PGM3: variants seen among roughly 807,000 people sequenced by gnomAD.
PGM3 encodes phosphoglucomutase 3, also known as phosphoacetylglucosamine mutase.
In PGM3, 40 loss-of-function variants were observed where a neutral mutation model predicts 66.2. The ratio of observed to expected loss-of-function variants is 0.60; its 90% CI spans 0.47 to 0.79. The LOEUF (loss-of-function observed/expected upper bound fraction) is 0.79, where lower values mean the gene tolerates loss of function less well. Among genes scored for constraint, PGM3 ranks in the 30% least tolerant of loss-of-function variants. The pLI, the probability that PGM3 is intolerant of heterozygous loss-of-function variation, is 0.00. For synonymous variants in PGM3, 191 were observed against 224.2 expected (o/e 0.85, Z 1.32); for missense variants, 537 against 643.4 (o/e 0.83, Z 1.79).
At chr6:83,153,777 G>T in the PGM3 span, 1 of 1,225,172 alleles carries the variant, frequency 8.2e-7, no homozygotes, top group East Asian at 2.5e-5. Flanking sequence ...TTCTTATGGT[G>T]CTTTCTATTT....
At chr6:83,188,179 TA>T (rs201546407) in intron 3 of PGM3, among the ~76,000 whole-genome samples, 1,577 of 152,306 alleles carry the variant, frequency 0.01, 24 homozygotes, top group African/African-American at 0.035. Flanking sequence ...TGGAAAATAA[TA>T]TTGTAGTTTA....
rs1785813919 is a variant in PGM3 at position 83,166,846 on chromosome 6, A to G, written c.*2388T>C. ...GTTTCTGAGCAACATCTGATCTTAG[A>G]AGGCAAACTCCATTTGTTAATATGA... On this transcript the variant is annotated 3_prime_UTR_variant, in exon 13 of 13. Coordinates refer to ENST00000513973, the MANE Select transcript of PGM3 (RefSeq NM_015599.3). 1.0e-6 allele frequency: 1 copy of G among 1,001,416 alleles called. No homozygotes were observed. The highest frequency in any genetic ancestry group is 4.5e-5 in the South Asian group (1 of 21,994). 62.0% of individuals were successfully genotyped at this position (1,001,416 alleles called of 1,614,324 possible). A position where few individuals can be genotyped will look rare whatever the true frequency, so the allele number is the denominator to read the frequency against.
chr6:83,191,436 G>A (rs1789046127), intron 1 of PGM3: 1 of 583,290 alleles, frequency 1.7e-6, no homozygotes, highest in South Asian at 2.2e-5. Flanking sequence ...GACGGATTGA[G>A]GCCTAAAGTC....
At position 83,190,802 on chromosome 6, in the gene PGM3, C is replaced by G. The variant is rs199882868; in HGVS notation, c.204+7G>C. The G allele has an allele frequency of 1.2e-6, 2 of 1,608,926 alleles. No homozygotes were observed. The highest frequency in any genetic ancestry group is 2.2e-5 in the East Asian group (1 of 44,864). On this transcript the variant is annotated splice_region_variant and intron_variant, in intron 2 of 12. Coordinates refer to ENST00000513973, the MANE Select transcript of PGM3 (RefSeq NM_015599.3). Reference sequence around the variant, plus strand: ...GGTCTGCTTTATCAGGGCACTAAACCCATTACCTCAGGATTGTGGGACGCT... The same window carrying G: ...GGTCTGCTTTATCAGGGCACTAAACGCATTACCTCAGGATTGTGGGACGCT...
At chr6:83,151,982 C>G in the PGM3 span, 1 of 1,613,722 alleles carries the variant, frequency 6.2e-7, no homozygotes, top group Admixed American at 1.7e-5. Flanking sequence ...TAAGCCTTCT[C>G]CCAAAATAAT....
chr6:83,152,235 A>T, the PGM3 span: 1 of 1,064,462 alleles, frequency 9.4e-7, no homozygotes, highest in African/African-American at 1.7e-5. Context: ...CACACACATA[A>T]AATTTATTTT....
chr6:83,148,999 GA>G, the PGM3 span: 1 of 501,158 alleles, frequency 2.0e-6, no homozygotes, highest in Non-Finnish European at 3.3e-6. Context: ...TGCAAAACTA[GA>G]TGTATAAGGC....
the PGM3 span, among the ~76,000 whole-genome samples, chr6:83,152,620 CTTTTTTTT>C: frequency 7.5e-6 from 1 of 133,876 alleles, no homozygotes; most frequent in African/African-American, 2.7e-5. Context: ...TTTTCTTTTT[CTTTTTTTT>C]TTTTTTTTGA....
In PGM3 at chr6:83,168,857, G is replaced by A. The variant is rs1786446783; in HGVS notation, c.*377C>T. 9.6e-7 allele frequency: 1 copy of A among 1,041,814 alleles called. No homozygotes were observed. Among genetic ancestry groups the A allele is most frequent in the Non-Finnish European group, 1.2e-6 (1 of 863,176 alleles). 64.5% of individuals were successfully genotyped at this position (1,041,814 alleles called of 1,614,324 possible). A position where few individuals can be genotyped will look rare whatever the true frequency, so the allele number is the denominator to read the frequency against. On this transcript the variant is annotated 3_prime_UTR_variant, in exon 13 of 13. Transcript: ENST00000513973. ...ATTTGTATCAGCAATGGGGAATGCTGCAAAACATCATCTTGCTCATGTGAT... is the reference window on the plus strand; with the variant it reads ...ATTTGTATCAGCAATGGGGAATGCTACAAAACATCATCTTGCTCATGTGAT...
rs1467232241 is a variant in PGM3 at position 83,164,919 on chromosome 6, T to C, written c.*4315A>G. Reference sequence around the variant, plus strand: ...TTATTTAATATTGAGACAATACATATAGTTCTGATTAAGAGCATCAGAAAC... The same window carrying C: ...TTATTTAATATTGAGACAATACATACAGTTCTGATTAAGAGCATCAGAAAC... On this transcript the variant is annotated 3_prime_UTR_variant, in exon 13 of 13. Transcript: ENST00000513973. 7 of 502,876 alleles carry C rather than the reference T, an allele frequency of 1.4e-5. No individual in the cohort carries two copies. Among genetic ancestry groups the C allele is most frequent in the Non-Finnish European group, 2.1e-5 (6 of 285,222 alleles). The allele number at this position is 502,876 out of a possible 1,614,324, so 31.2% of individuals were successfully genotyped here. A position where few individuals can be genotyped will look rare whatever the true frequency, so the allele number is the denominator to read the frequency against.
At chr6:83,151,685 A>C in the PGM3 span, 1 of 1,580,148 alleles carries the variant, frequency 6.3e-7, no homozygotes, top group Non-Finnish European at 8.6e-7. Context: ...AGCTGTTGCC[A>C]AAACTGTTTC....
chr6:83,172,091 C>T (rs764994286), intron 10 of PGM3, 32 bp from the exon 11 acceptor site: 1 of 1,611,050 alleles, frequency 6.2e-7, no homozygotes, highest in East Asian at 2.2e-5. Context: ...GAAGAAACCA[C>T]TTAACACAAG....
chr6:83,159,987 G>A, downstream of PGM3: 2 of 1,609,572 alleles, frequency 1.2e-6, no homozygotes, highest in Non-Finnish European at 8.5e-7. Context: ...ATATTAAATG[G>A]TTATTTTTGA....
chr6:83,164,902 T>C lies in PGM3; in HGVS notation c.*4332A>G. 2 of 575,316 alleles carry C rather than the reference T, an allele frequency of 3.5e-6. No individual in the cohort carries two copies. Among genetic ancestry groups the C allele is most frequent in the South Asian group, 2.2e-5 (1 of 45,370 alleles). The allele number at this position is 575,316 out of a possible 1,614,324, so 35.6% of individuals were successfully genotyped here. On this transcript the variant is annotated 3_prime_UTR_variant, in exon 13 of 13. Transcript: ENST00000513973. ...TATGGAAACATTTGACTTTATTTAA[T>C]ATTGAGACAATACATATAGTTCTGA...
chr6:83,174,319 C>T, intron 10 of PGM3, 55 bp downstream of exon 10: 3 of 926,368 alleles, frequency 3.2e-6, no homozygotes, highest in Non-Finnish European at 5.2e-6. Flanking sequence ...CTGTTCTGTC[C>T]ATCTTCTGAA....
chr6:83,152,178 CAT>C, the PGM3 span: 4 of 754,522 alleles, frequency 5.3e-6, no homozygotes, highest in Non-Finnish European at 8.2e-6. Flanking sequence ...TATATATATA[CAT>C]ATACATATAT....
Position 83,183,475 on chromosome 6 carries a change from A to G in PGM3, c.458-497T>C, listed in dbSNP as rs533661327. Reference sequence around the variant, plus strand: ...ACGGTTTTCAGAGCAAAAAAAGCCCATGCTGATCTAAGATGCAGAACCCAG... The same window carrying G: ...ACGGTTTTCAGAGCAAAAAAAGCCCGTGCTGATCTAAGATGCAGAACCCAG... On this transcript the variant is annotated intron_variant, in intron 4 of 12. Coordinates refer to ENST00000513973, the MANE Select transcript of PGM3 (RefSeq NM_015599.3). Among the ~76,000 whole-genome samples the G allele has an allele frequency of 4.1e-4, 62 of 152,340 alleles. 1 individual carries two copies. The South Asian group carries it at 0.011, about 26-fold the overall frequency.
At position 83,171,939 on chromosome 6, in the gene PGM3, G is replaced by T. The variant is rs1211676766; in HGVS notation, c.1363C>A (p.Gln455Lys). 2 of 1,611,656 alleles carry T rather than the reference G, an allele frequency of 1.2e-6. No homozygotes were observed. The highest frequency in any genetic ancestry group is 8.5e-7 in the Non-Finnish European group (1 of 1,178,376). Residue 455 changes from glutamine to lysine, a missense_variant and splice_region_variant, in exon 11 of 13, where the codon CAG (glutamine) becomes AAG (lysine). Coordinates refer to ENST00000513973, the MANE Select transcript of PGM3 (RefSeq NM_015599.3). ...TDLPNRQLKV[Q>K]VADRRVISTT... is the part of the protein sequence containing the mutation. ...TTACTTTAAAGTTTCTCTCACACCT[G>T]AACTTTAAGTTGTCTGTTTGGAAGA...
rs1452031238 is a variant in PGM3 at position 83,174,413 on chromosome 6, A to AGCTTT, written c.1198_1202dup (p.Ala402LysfsTer26). The AGCTTT allele has an allele frequency of 1.2e-6, 2 of 1,607,744 alleles. No homozygotes were observed. The highest frequency in any genetic ancestry group is 2.2e-5 in the South Asian group (2 of 90,474). On this transcript the variant is annotated frameshift_variant, in exon 10 of 13. Transcript: ENST00000513973. LOFTEE classifies it high-confidence loss of function. The stretch of plus-strand genomic sequence containing the variant: ...CAATAATGTTTTCAAGCATCTTAGC[A>AGCTTT]GCTTTTCTTTTCTTATCTTCCAGTT...
Sources: allele counts gnomAD v4.1 joint callset (sites outside exome capture counted in the v4.1 genomes callset), GRCh38; gene constraint gnomAD v4.1.1; transcripts MANE v1.5; gene names NCBI Gene and HGNC (gene_info 2026-07-23, HGNC 2026-07-21).